Variants in PALS1 observed in about 807,000 individuals in gnomAD.
The protein encoded by PALS1 is protein PALS1.
PALS1 carries 31 observed loss-of-function variants against 78.9 expected under a neutral mutation model. The observed-to-expected ratio is 0.39, with a 90% CI of 0.30 to 0.53. The LOEUF (loss-of-function observed/expected upper bound fraction) is 0.53. Among genes scored for constraint, PALS1 ranks in the 20% least tolerant of loss-of-function variants. The pLI is 0.67. For synonymous variants in PALS1, 276 were observed against 270.9 expected (o/e 1.02, Z -0.18); for missense variants, 704 against 826.5 (o/e 0.85, Z 1.82).
At chr14:67,309,601 A>C (rs1225382482) in intron 8 of PALS1, among the ~76,000 whole-genome samples, 2 of 152,188 alleles carry the variant, frequency 1.3e-5, no homozygotes, top group Non-Finnish European at 2.9e-5. Context: ...CATAGGCAAG[A>C]GTACATGGAA....
intron 4 of PALS1, among the ~76,000 whole-genome samples, chr14:67,298,156 G>A (rs1282058500): frequency 1.3e-5 from 2 of 152,152 alleles, no homozygotes; most frequent in African/African-American, 4.8e-5. Context: ...ACTTAATCTT[G>A]TGACAGAGAG....
Position 67,332,966 on chromosome 14 carries a change from C to T in PALS1, c.*10C>T. 1 of 1,596,364 alleles carries T rather than the reference C, an allele frequency of 6.3e-7. No individual in the cohort carries two copies. Among genetic ancestry groups the T allele is most frequent in the Non-Finnish European group, 8.6e-7 (1 of 1,166,792 alleles). On this transcript the variant is annotated 3_prime_UTR_variant, in exon 15 of 15. Coordinates refer to ENST00000261681, the MANE Select transcript of PALS1 (RefSeq NM_022474.4). The stretch of plus-strand genomic sequence containing the variant: ...CACTTGGCTGAGGTGAAAGAAACAT[C>T]CATTCTGTGGCATGTTGGACTTGAT...
Position 67,247,817 on chromosome 14 carries a change from G to A in PALS1, c.-237+6284G>A, listed in dbSNP as rs142825821. ...TGGTCTCAAATTCCTGGGCTCAAGC[G>A]ATCTGCCCACCTCAGCCTCCCAAAG... On this transcript the variant is annotated intron_variant, in intron 1 of 14. Coordinates refer to ENST00000261681, the MANE Select transcript of PALS1 (RefSeq NM_022474.4). Among the ~76,000 whole-genome samples, 185 of 152,190 alleles carry A rather than the reference G, an allele frequency of 1.2e-3. 1 individual carries two copies. The highest frequency in any genetic ancestry group is 0.011 in the South Asian group (51 of 4,814).
chr14:67,328,431 T>C (rs930865538), intron 14 of PALS1, among the ~76,000 whole-genome samples: 11 of 152,232 alleles, frequency 7.2e-5, no homozygotes, highest in South Asian at 2.1e-4. Context: ...ATTCTGTAGG[T>C]TGCCTATTCA....
chr14:67,280,114 G>A (rs184310470), intron 3 of PALS1: 5 of 152,326 alleles, frequency 3.3e-5, no homozygotes, highest in African/African-American at 1.2e-4. Flanking sequence ...TGACCAAATG[G>A]ATTTTGAGAA....
intron 1 of PALS1, chr14:67,242,127 T>A (rs994267632): frequency 6.6e-6 from 1 of 152,244 alleles, no homozygotes. Flanking sequence ...TAAATTGTTA[T>A]AACCTACGTT....
At chr14:67,308,514 G>C (rs1481100934) in intron 8 of PALS1, among the ~76,000 whole-genome samples, 1 of 150,060 alleles carries the variant, frequency 6.7e-6, no homozygotes, top group Non-Finnish European at 1.5e-5. Flanking sequence ...CTGAGTTTTA[G>C]ATCAGCACTC....
intron 14 of PALS1, among the ~76,000 whole-genome samples, chr14:67,327,180 G>GA (rs1310153303): frequency 2.6e-5 from 4 of 152,130 alleles, no homozygotes; most frequent in South Asian, 4.1e-4. Context: ...CAAAAAAAAA[G>GA]AAAAAATTTT....
intron 11 of PALS1, among the ~76,000 whole-genome samples, chr14:67,318,720 G>A (rs1359400863): frequency 1.3e-5 from 2 of 152,110 alleles, no homozygotes; most frequent in Non-Finnish European, 2.9e-5. Flanking sequence ...ACTATATGAT[G>A]TTGTTCTCAC....
chr14:67,277,446 A>G (rs2084524599), intron 2 of PALS1, among the ~76,000 whole-genome samples: 1 of 152,174 alleles, frequency 6.6e-6, no homozygotes, highest in South Asian at 2.1e-4. Flanking sequence ...ATGACCCAAG[A>G]TGTTTGAGAA....
chr14:67,250,581 T>C (rs1457103237), intron 1 of PALS1, among the ~76,000 whole-genome samples: 1 of 152,198 alleles, frequency 6.6e-6, no homozygotes. Flanking sequence ...TCTGGGCCCT[T>C]CCTCTGAAAC....
At chr14:67,309,809 C>T (rs1486905118) in intron 8 of PALS1, among the ~76,000 whole-genome samples, 1 of 152,058 alleles carries the variant, frequency 6.6e-6, no homozygotes, top group Non-Finnish European at 1.5e-5. Context: ...AATAAACATC[C>T]TAGGCAGGTG....
At position 67,279,031 on chromosome 14, in the gene PALS1, A is replaced by G. The variant is rs1044898275; in HGVS notation, c.-140A>G. On this transcript the variant is annotated 5_prime_UTR_variant, in exon 3 of 15. Coordinates refer to ENST00000261681, the MANE Select transcript of PALS1 (RefSeq NM_022474.4). The stretch of plus-strand genomic sequence containing the variant: ...CTTTCCCCTTAGATTTCCTTCATGG[A>G]TACTTTTTCATAGCATTATTATGTG... 2.7e-6 allele frequency: 2 copies of G among 743,554 alleles called. No individual in the cohort carries two copies. The highest frequency in any genetic ancestry group is 3.9e-6 in the Non-Finnish European group (2 of 508,498). 46.1% of individuals were successfully genotyped at this position (743,554 alleles called of 1,614,324 possible). A position where few individuals can be genotyped will look rare whatever the true frequency, so the allele number is the denominator to read the frequency against.
rs551335327 is a variant in PALS1, at chr14:67,310,294, T to C, written c.1042-2233T>C. Among the ~76,000 whole-genome samples, 71 of 152,290 alleles carry C rather than the reference T, an allele frequency of 4.7e-4. 1 individual carries two copies. In the Middle Eastern group the frequency reaches 0.017, roughly 36 times the overall value. On this transcript the variant is annotated intron_variant, in intron 8 of 14. Transcript: ENST00000261681. ...CTAGAATGAGGTTCTTTAGGGCACT[T>C]TGCATTTAGGATGAGCCACAACACT...
intron 14 of PALS1, among the ~76,000 whole-genome samples, chr14:67,330,358 T>C (rs1426610726): frequency 6.6e-6 from 1 of 151,950 alleles, no homozygotes; most frequent in Non-Finnish European, 1.5e-5. Flanking sequence ...TTTGAAATTA[T>C]AAATTTCCCT....
At chr14:67,281,425 T>C (rs2084607890) in intron 3 of PALS1, among the ~76,000 whole-genome samples, 1 of 152,200 alleles carries the variant, frequency 6.6e-6, no homozygotes, top group Non-Finnish European at 1.5e-5. Context: ...AATTTTATGC[T>C]CTTTTTTCCT....
At chr14:67,293,814 T>TG (rs1000580801) in intron 4 of PALS1, among the ~76,000 whole-genome samples, 6 of 152,188 alleles carry the variant, frequency 3.9e-5, no homozygotes, top group African/African-American at 1.4e-4. Flanking sequence ...TAATCATTCC[T>TG]GTCCCTTTTA....
At chr14:67,263,243 A>AGGGACCCT (rs1437539767) in intron 1 of PALS1, among the ~76,000 whole-genome samples, 1 of 152,206 alleles carries the variant, frequency 6.6e-6, no homozygotes, top group Non-Finnish European at 1.5e-5. Context: ...GTCTAATTGA[A>AGGGACCCT]AAGAATCATG....
In PALS1 at chr14:67,335,984, G is replaced by C. The variant is rs1202905549; in HGVS notation, c.*3028G>C. On this transcript the variant is annotated 3_prime_UTR_variant, in exon 15 of 15. Transcript: ENST00000261681. The stretch of plus-strand genomic sequence containing the variant: ...TTACAGAGGGATAGTGCCCCCTGTT[G>C]GCACAGGTATAGGTAGGTCCTGTTT... Among the ~76,000 whole-genome samples, 1 of 152,094 alleles carries C rather than the reference G, an allele frequency of 6.6e-6. No individual in the cohort carries two copies. Among genetic ancestry groups the C allele is most frequent in the Non-Finnish European group, 1.5e-5 (1 of 68,014 alleles).
Sources: gnomAD v4.1 joint callset for allele counts (sites outside exome capture counted in the v4.1 genomes callset) on GRCh38, gnomAD v4.1.1 for gene constraint, MANE v1.5 for transcripts, NCBI Gene and HGNC (gene_info 2026-07-23, HGNC 2026-07-21) for gene names.